The following SEC31A variants were observed in gnomAD, a reference collection of about 807,000 sequenced individuals.
SEC31A encodes protein transport protein Sec31A.
Under a neutral mutation model 151.0 loss-of-function variants are expected in SEC31A, and 70 were observed. That is an observed-to-expected ratio of 0.46 (90% CI 0.38 to 0.57). SEC31A has a LOEUF of 0.57. Ranked by LOEUF, SEC31A falls within the 20% of genes least tolerant of loss-of-function variation. The pLI, the probability that SEC31A is intolerant of heterozygous loss-of-function variation, is 0.00. For synonymous variants in SEC31A, 475 were observed against 505.9 expected (o/e 0.94, Z 0.82); for missense variants, 1,330 against 1,471.2 (o/e 0.90, Z 1.57).
At chr4:82,853,915 G>T (rs1578238891) in intron 17 of SEC31A, among the ~76,000 whole-genome samples, 200 bp from the exon 18 acceptor site, 1 of 151,968 alleles carries the variant, frequency 6.6e-6, no homozygotes, top group East Asian at 1.9e-4. Flanking sequence ...TACAATAAAT[G>T]ATTTTACAAA....
intron 20 of SEC31A, among the ~76,000 whole-genome samples, chr4:82,847,928 A>G (rs1730599082): frequency 6.6e-6 from 1 of 152,222 alleles, no homozygotes. Flanking sequence ...AAACAAAAAC[A>G]TAACAGACAA....
At chr4:82,871,115 G>C (rs1736553967) in intron 7 of SEC31A, among the ~76,000 whole-genome samples, 1 of 152,284 alleles carries the variant, frequency 6.6e-6, no homozygotes, top group Admixed American at 6.5e-5. Context: ...GAGCCCAGAG[G>C]CTCATGGCTG....
chr4:82,833,550 T>A (rs1420430634), intron 22 of SEC31A, among the ~76,000 whole-genome samples: 162 of 129,398 alleles, frequency 1.3e-3, no homozygotes, highest in African/African-American at 4.3e-3. Context: ...AAAAAAAAAA[T>A]ACAGATTTGC....
At chr4:82,831,730 T>C (rs574230356) in intron 22 of SEC31A, among the ~76,000 whole-genome samples, 4 of 152,284 alleles carry the variant, frequency 2.6e-5, no homozygotes, top group Admixed American at 2.0e-4. Flanking sequence ...TAAATGAGAA[T>C]AGGCCCAGCA....
intron 18 of SEC31A, among the ~76,000 whole-genome samples, chr4:82,852,724 T>C (rs181395910): frequency 9.4e-4 from 143 of 152,304 alleles, no homozygotes; most frequent in African/African-American, 3.0e-3. Flanking sequence ...ATCTAATATA[T>C]AGTTAGTACC....
intron 22 of SEC31A, among the ~76,000 whole-genome samples, chr4:82,835,974 C>A (rs964802687): frequency 8.5e-5 from 13 of 152,056 alleles, no homozygotes; most frequent in African/African-American, 2.9e-4. Flanking sequence ...GCATTCCTGG[C>A]GGGAACGTAA....
At chr4:82,851,080 T>C (rs765831945) in intron 19 of SEC31A, among the ~76,000 whole-genome samples, 3 of 152,242 alleles carry the variant, frequency 2.0e-5, no homozygotes. Context: ...GATTAAACAT[T>C]AACATTTATA....
chr4:82,883,610 C>T (rs977727130), intron 1 of SEC31A, among the ~76,000 whole-genome samples: 1 of 152,132 alleles, frequency 6.6e-6, no homozygotes, highest in African/African-American at 2.4e-5. Context: ...AAGTGGATTG[C>T]TTGAGCCCAG....
chr4:82,889,753 C>T (rs1391095445), intron 1 of SEC31A, among the ~76,000 whole-genome samples: 2 of 152,060 alleles, frequency 1.3e-5, no homozygotes, highest in African/African-American at 2.4e-5. Context: ...TAAGCAATAT[C>T]ATTATAAATC....
chr4:82,840,788 C>T (rs1452395081), intron 22 of SEC31A, among the ~76,000 whole-genome samples: 2 of 152,040 alleles, frequency 1.3e-5, no homozygotes, highest in African/African-American at 2.4e-5. Flanking sequence ...GTGTTCTAAA[C>T]ATAGAAAAGG....
intron 22 of SEC31A, among the ~76,000 whole-genome samples, chr4:82,837,412 T>A (rs1287726211): frequency 6.6e-6 from 1 of 151,968 alleles, no homozygotes; most frequent in East Asian, 1.9e-4. Context: ...AAGTTTTTTT[T>A]GTTGTTTTGA....
intron 6 of SEC31A, among the ~76,000 whole-genome samples, chr4:82,872,430 C>T (rs553333295): frequency 6.8e-4 from 103 of 152,258 alleles, no homozygotes; most frequent in African/African-American, 2.4e-3. Context: ...CTCAAATGAT[C>T]CACCCACCTC....
At chr4:82,894,180 A>C (rs1184311776), upstream of SEC31A, 1 of 152,210 alleles carries the variant, frequency 6.6e-6, no homozygotes, top group East Asian at 1.9e-4. Flanking sequence ...CAACAAGCAA[A>C]ATGCCTTGAG....
intron 3 of SEC31A, chr4:82,898,177 G>C (rs577291949): frequency 5.9e-5 from 9 of 151,964 alleles, no homozygotes; most frequent in African/African-American, 2.2e-4. Context: ...TAATCACAAC[G>C]GTTCATTATG....
At chr4:82,868,746 A>G (rs1373931049) in intron 8 of SEC31A, among the ~76,000 whole-genome samples, 1 of 151,878 alleles carries the variant, frequency 6.6e-6, no homozygotes. Context: ...ACTAGGCTGG[A>G]GTGCAGTGGC....
intron 19 of SEC31A, 87 bp downstream of exon 19, chr4:82,851,344 C>T (rs1241642111): frequency 1.9e-6 from 2 of 1,046,240 alleles, no homozygotes; most frequent in Non-Finnish European, 2.8e-6. Context: ...AAACATTCTA[C>T]CTACTAATAT....
intron 18 of SEC31A, 55 bp from the exon 19 acceptor site, chr4:82,851,659 A>T (rs1731480513): frequency 7.0e-7 from 1 of 1,437,018 alleles, no homozygotes; most frequent in Non-Finnish European, 9.6e-7. Flanking sequence ...TATGAGAGGA[A>T]GCAGGAAAAG....
At chr4:82,836,592 G>A (rs981521522) in intron 22 of SEC31A, among the ~76,000 whole-genome samples, 4 of 152,062 alleles carry the variant, frequency 2.6e-5, no homozygotes, top group Non-Finnish European at 5.9e-5. Flanking sequence ...AAGACATTAT[G>A]CCAGTCAAAA....
At position 82,827,644 on chromosome 4, in the gene SEC31A, T is replaced by C. The variant is rs958607094; in HGVS notation, c.3028-12A>G. ...AAGTTTTCAGGCATCTGTTAAAAGA[T>C]GGAAATAAAAGACACCAGGAGTAAG... On this transcript the variant is annotated splice_polypyrimidine_tract_variant and intron_variant, in intron 23 of 26. Transcript: ENST00000395310. 1.2e-6 allele frequency: 2 copies of C among 1,610,968 alleles called. No individual in the cohort carries two copies. Among genetic ancestry groups the C allele is most frequent in the East Asian group, 2.2e-5 (1 of 44,814 alleles).
Sources: gnomAD v4.1 joint callset for allele counts (sites outside exome capture counted in the v4.1 genomes callset) on GRCh38, gnomAD v4.1.1 for gene constraint, MANE v1.5 for transcripts, NCBI Gene and HGNC (gene_info 2026-07-23, HGNC 2026-07-21) for gene names.